Variants in PPP4R1 observed in about 807,000 individuals in gnomAD.
PPP4R1 encodes serine/threonine-protein phosphatase 4 regulatory subunit 1.
A neutral mutation model predicts 111.2 loss-of-function variants in PPP4R1; 42 were observed. That is an observed-to-expected ratio of 0.38 (90% CI 0.29 to 0.49). The LOEUF is 0.49. Ranked by LOEUF, PPP4R1 falls within the 20% of genes least tolerant of loss-of-function variation. The probability of loss-of-function intolerance (pLI) is 0.97; values close to 1 mark genes in which losing one functional copy is unlikely to be tolerated. For synonymous variants in PPP4R1, 409 were observed against 405.5 expected, an observed-to-expected ratio of 1.01 and a Z score of -0.10; for missense variants, 1,012 against 1,161.6, an observed-to-expected ratio of 0.87 and a Z score of 1.87.
chr18:9,570,340 G>A lies in PPP4R1; in HGVS notation c.1390C>T (p.Pro464Ser). 6.2e-7 allele frequency: 1 copy of A among 1,611,518 alleles called. No homozygotes were observed. The highest frequency in any genetic ancestry group is 8.5e-7 in the Non-Finnish European group (1 of 1,178,960). Residue 464 changes from proline (P) to serine (S), a missense_variant, in exon 11 of 20, where the codon CCT becomes TCT. Coordinates refer to ENST00000400556, the MANE Select transcript of PPP4R1 (RefSeq NM_001042388.3). ...NSFHFWRTPL[P>S]EIDLDIELEQ... is the part of the protein sequence containing the mutation. ...AGCTCTATGTCTAGATCTATTTCAGGAAGAGGAGTCCTCCAGAAATGGAAG... is the reference window on the plus strand; with the variant it reads ...AGCTCTATGTCTAGATCTATTTCAGAAAGAGGAGTCCTCCAGAAATGGAAG...
In PPP4R1 at chr18:9,550,330, A is replaced by G; in HGVS notation, c.2360T>C (p.Leu787Pro). 6.2e-7 allele frequency: 1 copy of G among 1,613,512 alleles called. No homozygotes were observed. Among genetic ancestry groups the G allele is most frequent in the Non-Finnish European group, 8.5e-7 (1 of 1,179,384 alleles). The change falls in exon 17 of 20, where the codon CTG becomes CCG. Residue 787 changes from leucine (L) to proline (P), a missense_variant. Leu to Pro is a moderately conservative substitution (Grantham distance 98). Coordinates refer to ENST00000400556, the MANE Select transcript of PPP4R1 (RefSeq NM_001042388.3). The stretch of plus-strand genomic sequence containing the variant: ...AGAAACTTTGTCTGCACACAGATTC[A>G]GAGCAATGGGACGTAAATAGTCATA... The part of the protein sequence containing the change: ...DVYDYLRPIA[L>P]NLCADKVSSV...
chr18:9,559,297 CATA>C, intron 14 of PPP4R1, 119 bp downstream of exon 14: 1 of 992,436 alleles, frequency 1.0e-6, no homozygotes, highest in Non-Finnish European at 1.4e-6. Flanking sequence ...CTCTTCCATA[CATA>C]ATTTCCTATA....
intron 2 of PPP4R1, among the ~76,000 whole-genome samples, chr18:9,596,667 T>C (rs1247874386): frequency 6.6e-6 from 1 of 152,202 alleles, no homozygotes; most frequent in Non-Finnish European, 1.5e-5. Flanking sequence ...AATGTTGCTA[T>C]ATGAGAGACA....
intron 10 of PPP4R1, among the ~76,000 whole-genome samples, chr18:9,574,505 G>A (rs180984752): frequency 6.6e-6 from 1 of 152,044 alleles, no homozygotes; most frequent in East Asian, 1.9e-4. Flanking sequence ...CATATAGTTA[G>A]CATTAAGCTA....
At chr18:9,588,060 C>T (rs2067149960) in intron 6 of PPP4R1, 29 bp downstream of exon 6, 7 of 1,612,652 alleles carry the variant, frequency 4.3e-6, no homozygotes, top group Non-Finnish European at 5.9e-6. Context: ...CCACATTTTG[C>T]ATAAGTGGAA....
In PPP4R1 at chr18:9,614,378, G is replaced by T; in HGVS notation, c.7+100C>A. ...CCCCGGGGGCGCCTTCCCGCGCCGG[G>T]ACCCCACGCCGGCCCCGGCCCGGCA... On this transcript the variant is annotated intron_variant, in intron 1 of 19. Coordinates refer to ENST00000400556, the MANE Select transcript of PPP4R1 (RefSeq NM_001042388.3). The surrounding 1 kb of genome is among the most constrained non-coding windows in gnomAD (Gnocchi z 4.1). 1 of 1,020,116 alleles carries T rather than the reference G, an allele frequency of 9.8e-7. No individual in the cohort carries two copies. Among genetic ancestry groups the T allele is most frequent in the Non-Finnish European group, 1.2e-6 (1 of 850,962 alleles). The allele number at this position is 1,020,116 out of a possible 1,614,324, so 63.2% of individuals were successfully genotyped here. A position where few individuals can be genotyped will look rare whatever the true frequency, so the allele number is the denominator to read the frequency against.
In PPP4R1 at chr18:9,594,714, T is replaced by C. The variant is rs139549584; in HGVS notation, c.188+304A>G. 2.5e-3 allele frequency: 713 copies of C among 286,752 alleles called. 2 individuals carry two copies. The highest frequency in any genetic ancestry group is 3.8e-3 in the Non-Finnish European group (572 of 149,152). 17.8% of individuals were successfully genotyped at this position (286,752 alleles called of 1,614,324 possible). On this transcript the variant is annotated intron_variant, in intron 3 of 19. Transcript: ENST00000400556. ...TACAGCAGGTATACAACATCATGTG[T>C]TGAAGGAATAATGTACTTCCCAATA...
intron 3 of PPP4R1, 40 bp downstream of exon 3, chr18:9,594,978 C>T: frequency 6.3e-7 from 1 of 1,599,442 alleles, no homozygotes; most frequent in African/African-American, 1.3e-5. Context: ...AATAAAACCA[C>T]CCTTCCACTT....
intron 4 of PPP4R1, among the ~76,000 whole-genome samples, chr18:9,592,686 A>C (rs1160516642): frequency 4.6e-5 from 7 of 152,126 alleles, no homozygotes; most frequent in East Asian, 1.9e-4. Flanking sequence ...AAAAAAAAAA[A>C]AACTCTGGAG....
At chr18:9,614,801 C>T (rs2067664591), upstream of PPP4R1, 1 of 148,956 alleles carries the variant, frequency 6.7e-6, no homozygotes, top group Non-Finnish European at 1.5e-5. The surrounding 1 kb of genome is among the most constrained non-coding windows in gnomAD (Gnocchi z 4.1). Context: ...CTCACACCCT[C>T]CTCCCGAGCC....
chr18:9,576,544 C>T (rs958991656), intron 10 of PPP4R1, among the ~76,000 whole-genome samples: 15 of 152,074 alleles, frequency 9.9e-5, no homozygotes, highest in African/African-American at 3.6e-4. Flanking sequence ...GATATACTGG[C>T]TAATATACTG....
At chr18:9,561,253 A>T (rs1384698619) in intron 13 of PPP4R1, among the ~76,000 whole-genome samples, 17 of 146,226 alleles carry the variant, frequency 1.2e-4, no homozygotes, top group Non-Finnish European at 2.2e-4. Flanking sequence ...TAATAATAAT[A>T]ATAATAATAA....
rs752682363 is a variant in PPP4R1 at position 9,588,845 on chromosome 18, C to T, written c.304G>A (p.Val102Met). 1.2e-6 allele frequency: 2 copies of T among 1,611,530 alleles called. No individual in the cohort carries two copies. The highest frequency in any genetic ancestry group is 8.5e-7 in the Non-Finnish European group (1 of 1,179,372). The part of the protein sequence containing the change: ...SRLADDSEPT[V>M]RAELMEQVPH... ...ACCTGTTCCATCAGCTCCGCTCTCACAGTTGGTTCTATTGAAATAACGGCA... is the reference window on the plus strand; with the variant it reads ...ACCTGTTCCATCAGCTCCGCTCTCATAGTTGGTTCTATTGAAATAACGGCA... Residue 102 changes from valine (V) to methionine (M), a missense_variant, in exon 5 of 20, where the codon GTG (valine) becomes ATG (methionine). By Grantham distance (21) the Val-to-Met change is conservative. This residue lies in a region of PPP4R1 where 707 missense variants were observed against 742.1 expected (regional missense o/e 0.95). Coordinates refer to ENST00000400556, the MANE Select transcript of PPP4R1 (RefSeq NM_001042388.3).
intron 2 of PPP4R1, chr18:9,599,717 T>C (rs912537333): frequency 1.3e-5 from 2 of 152,216 alleles, no homozygotes; most frequent in African/African-American, 2.4e-5. Flanking sequence ...ACTGTTAAGC[T>C]AGCATAACCT....
rs2066416225 is a variant in PPP4R1, at chr18:9,547,327, T to C, written c.*462A>G. 6.3e-6 allele frequency: 1 copy of C among 158,914 alleles called. No individual in the cohort carries two copies. Among genetic ancestry groups the C allele is most frequent in the Non-Finnish European group, 1.4e-5 (1 of 71,336 alleles). The allele number at this position is 158,914 out of a possible 1,614,324, so 9.8% of individuals were successfully genotyped here. A position where few individuals can be genotyped will look rare whatever the true frequency, so the allele number is the denominator to read the frequency against. ...GCTGGCCACAGAGCCCAGCAAGTCC[T>C]TCCTGGGAGAGAAGAGTTAGGGCTG... On this transcript the variant is annotated 3_prime_UTR_variant, in exon 20 of 20. Transcript: ENST00000400556.
chr18:9,551,350 A>T (rs1364088293), intron 16 of PPP4R1: 1 of 152,278 alleles, frequency 6.6e-6, no homozygotes, highest in African/African-American at 2.4e-5. Flanking sequence ...GACACCTGCT[A>T]GCACCTAACA....
In PPP4R1 at chr18:9,555,947, C is replaced by A. The variant is rs9956160; in HGVS notation, c.2190+1274G>T. 3.2e-4 allele frequency among the ~76,000 whole-genome samples: 48 copies of A among 150,054 alleles called. No individual in the cohort carries two copies. The East Asian group carries it at 7.8e-3, about 24-fold the overall frequency. ...ATCAGGAGATCAAGACCATCCTGGCCAACACGGTGAAACCCCATCTCTACT... is the reference window on the plus strand; with the variant it reads ...ATCAGGAGATCAAGACCATCCTGGCAAACACGGTGAAACCCCATCTCTACT... On this transcript the variant is annotated intron_variant, in intron 15 of 19. Coordinates refer to ENST00000400556, the MANE Select transcript of PPP4R1 (RefSeq NM_001042388.3).
At chr18:9,580,412 C>T (rs951733621) in intron 9 of PPP4R1, among the ~76,000 whole-genome samples, 1 of 150,834 alleles carries the variant, frequency 6.6e-6, no homozygotes, top group African/African-American at 2.4e-5. Flanking sequence ...TGCAATGGCG[C>T]GATCTCGGCT....
Position 9,584,537 on chromosome 18 carries a change from T to G in PPP4R1, c.737A>C (p.Gln246Pro). Residue 246 changes from glutamine (Q) to proline (P), a missense_variant, in exon 8 of 20, where the codon CAG becomes CCG. Gln to Pro is a moderately conservative substitution (Grantham distance 76, BLOSUM62 -1). Transcript: ENST00000400556. The part of the protein sequence containing the change: ...NFGDICSVVG[Q>P]QATEEMLLPR... The stretch of plus-strand genomic sequence containing the variant: ...TACCAACATTTCTTCAGTAGCTTGC[T>G]GGCCAACTACACTGCAAATATCTCC... 1 of 1,613,392 alleles carries G rather than the reference T, an allele frequency of 6.2e-7. No individual in the cohort carries two copies. The highest frequency in any genetic ancestry group is 8.5e-7 in the Non-Finnish European group (1 of 1,179,680).
Sources: gnomAD v4.1 joint callset for allele counts (sites outside exome capture counted in the v4.1 genomes callset) on GRCh38, gnomAD v4.1.1 for gene constraint, gnomAD v4.1.1 regional missense constraint, Gnocchi (gnomAD v3.1) non-coding constraint, MANE v1.5 for transcripts, NCBI Gene and HGNC (gene_info 2026-07-23, HGNC 2026-07-21) for gene names.